The following CADM2 variants were observed in gnomAD, a reference collection of about 807,000 sequenced individuals.
The protein encoded by CADM2 is immunoglobulin superfamily member 4D.
Under a neutral mutation model 49.8 loss-of-function variants are expected in CADM2, and 12 were observed. That is an observed-to-expected ratio of 0.24 (90% CI 0.15 to 0.39). The LOEUF is 0.39. Among genes scored for constraint, CADM2 ranks in the 10% least tolerant of loss-of-function variants. The probability of loss-of-function intolerance (pLI) is 1.00; values close to 1 mark genes in which losing one functional copy is unlikely to be tolerated. For missense variants in CADM2, 378 were observed against 492.3 expected, an observed-to-expected ratio of 0.77 and a Z score of 2.20; for synonymous variants, 214 against 175.4, an observed-to-expected ratio of 1.22 and a Z score of -1.74.
chr3:84,976,255 T>C (rs2031808569), intron 1 of CADM2, among the ~76,000 whole-genome samples: 1 of 151,714 alleles, frequency 6.6e-6, no homozygotes, highest in Non-Finnish European at 1.5e-5. Context: ...CCGTGTTTGA[T>C]TCACTTTTTG....
At chr3:85,757,543 A>T (rs542363523) in intron 2 of CADM2, among the ~76,000 whole-genome samples, 15 of 152,106 alleles carry the variant, frequency 9.9e-5, no homozygotes, top group South Asian at 6.2e-4. Flanking sequence ...TGGAGCATTT[A>T]AAAAAAACTG....
Position 85,490,372 on chromosome 3 carries a change from A to G in CADM2, c.62-236150A>G, listed in dbSNP as rs1278707988. 3.3e-5 allele frequency among the ~76,000 whole-genome samples: 5 copies of G among 151,804 alleles called. No individual in the cohort carries two copies. The East Asian group carries it at 7.8e-4, about 24-fold the overall frequency. Reference sequence around the variant, plus strand: ...ACAGTGTTAAGAGTCATTTTAGAATAGAGATCATTTTCATGAGTCAAAAAA... The same window carrying G: ...ACAGTGTTAAGAGTCATTTTAGAATGGAGATCATTTTCATGAGTCAAAAAA... On this transcript the variant is annotated intron_variant, in intron 1 of 9. Transcript: ENST00000383699.
At chr3:85,621,173 C>T (rs1235340908) in intron 1 of CADM2, among the ~76,000 whole-genome samples, 2 of 152,034 alleles carry the variant, frequency 1.3e-5, no homozygotes, top group Admixed American at 1.3e-4. Flanking sequence ...TGTAATGAAA[C>T]TGAATATATA....
At chr3:85,730,241 A>T (rs1268415846) in intron 2 of CADM2, among the ~76,000 whole-genome samples, 2 of 152,096 alleles carry the variant, frequency 1.3e-5, no homozygotes, top group African/African-American at 4.8e-5. Flanking sequence ...CAGGAATTTG[A>T]GATCAGCCTG....
At chr3:85,765,805 G>A (rs1023221146) in intron 2 of CADM2, among the ~76,000 whole-genome samples, 1 of 151,872 alleles carries the variant, frequency 6.6e-6, no homozygotes, top group Non-Finnish European at 1.5e-5. Context: ...CCTGTGTAGG[G>A]TAATTAGTAT....
chr3:85,406,068 T>C (rs1450891210), intron 1 of CADM2, among the ~76,000 whole-genome samples: 1 of 152,030 alleles, frequency 6.6e-6, no homozygotes, highest in Non-Finnish European at 1.5e-5. Context: ...AAATGGATTA[T>C]AAAAATCACT....
At position 85,455,639 on chromosome 3, in the gene CADM2, T is replaced by C. The variant is rs2037954915; in HGVS notation, c.62-270883T>C. ...TGGATGCTCTTTTTTAATATGTCCATTGAAATTCTTACTTAATATCACAGG... is the reference window on the plus strand; with the variant it reads ...TGGATGCTCTTTTTTAATATGTCCACTGAAATTCTTACTTAATATCACAGG... On this transcript the variant is annotated intron_variant, in intron 1 of 9. Transcript: ENST00000383699. 1.3e-5 allele frequency among the ~76,000 whole-genome samples: 2 copies of C among 152,176 alleles called. 1 individual carries two copies. Among genetic ancestry groups the C allele is most frequent in the South Asian group, 4.1e-4 (2 of 4,828 alleles).
chr3:85,944,944 A>T (rs1722464625), intron 7 of CADM2, among the ~76,000 whole-genome samples: 1 of 152,118 alleles, frequency 6.6e-6, no homozygotes, highest in Admixed American at 6.6e-5. Flanking sequence ...GAACTGAAGG[A>T]AATAGAGACA....
chr3:85,192,901 C>G (rs1359492930), intron 1 of CADM2, among the ~76,000 whole-genome samples: 1 of 151,948 alleles, frequency 6.6e-6, no homozygotes, highest in Non-Finnish European at 1.5e-5. Context: ...ATTACAGATT[C>G]TTTTAAGATT....
At chr3:85,642,581 A>C (rs1405605111) in intron 1 of CADM2, among the ~76,000 whole-genome samples, 4 of 152,168 alleles carry the variant, frequency 2.6e-5, no homozygotes, top group African/African-American at 9.7e-5. Flanking sequence ...TATGATGATA[A>C]AATTTTTAGG....
At chr3:85,007,990 CAGGAAGAGTTCA>C (rs1196842841) in intron 1 of CADM2, among the ~76,000 whole-genome samples, 1 of 152,040 alleles carries the variant, frequency 6.6e-6, no homozygotes, top group East Asian at 1.9e-4. Context: ...TTGGATGGTC[CAGGAAGAGTTCA>C]TAATTCATAA....
At chr3:85,735,327 C>G (rs2068092132) in intron 2 of CADM2, among the ~76,000 whole-genome samples, 1 of 152,014 alleles carries the variant, frequency 6.6e-6, no homozygotes, top group Admixed American at 6.6e-5. Context: ...GAAGAGGAAA[C>G]AGCAAAGACA....
intron 1 of CADM2, among the ~76,000 whole-genome samples, chr3:84,999,500 T>C (rs776706668): frequency 4.6e-5 from 7 of 152,130 alleles, no homozygotes; most frequent in Non-Finnish European, 7.4e-5. Flanking sequence ...TAGATGGTAC[T>C]TATGTACTCT....
intron 1 of CADM2, among the ~76,000 whole-genome samples, chr3:85,434,775 C>T (rs1193859414): frequency 6.6e-6 from 1 of 152,050 alleles, no homozygotes; most frequent in Non-Finnish European, 1.5e-5. Context: ...AAAAATAAAA[C>T]TGCTGAACCA....
chr3:85,976,336 G>A (rs1726778886), intron 8 of CADM2, among the ~76,000 whole-genome samples: 1 of 151,546 alleles, frequency 6.6e-6, no homozygotes, highest in Non-Finnish European at 1.5e-5. Flanking sequence ...AGCAAGAAAA[G>A]CAGAGCGGGT....
intron 5 of CADM2, among the ~76,000 whole-genome samples, chr3:85,890,692 C>CT (rs11425614): frequency 0.34 from 50,706 of 149,458 alleles, 11,632 homozygotes; most frequent in African/African-American, 0.66. Context: ...AAAAGAAAGA[C>CT]TTTTTTTTTT....
chr3:85,010,037 A>T (rs1486374046), intron 1 of CADM2, among the ~76,000 whole-genome samples: 2 of 152,102 alleles, frequency 1.3e-5, no homozygotes, highest in Non-Finnish European at 2.9e-5. Context: ...ACTTAGAGTT[A>T]CTTTTTTTTG....
intron 7 of CADM2, among the ~76,000 whole-genome samples, chr3:85,961,163 G>C (rs1328600451): frequency 6.6e-6 from 1 of 151,012 alleles, no homozygotes; most frequent in African/African-American, 2.4e-5. Context: ...TGTGGGGTGT[G>C]AGCCATTAGC....
chr3:85,750,833 A>G (rs2107858663), intron 2 of CADM2, among the ~76,000 whole-genome samples: 1 of 152,162 alleles, frequency 6.6e-6, no homozygotes, highest in African/African-American at 2.4e-5. Context: ...AACAAATGTA[A>G]TTTCATATGT....
Sources: allele counts gnomAD v4.1 joint callset (sites outside exome capture counted in the v4.1 genomes callset), GRCh38; gene constraint gnomAD v4.1.1; transcripts MANE v1.5; gene names NCBI Gene and HGNC (gene_info 2026-07-23, HGNC 2026-07-21).